The following RMDN1 variants were observed in gnomAD, a reference collection of about 807,000 sequenced individuals.
The protein encoded by RMDN1 is regulator of microtubule dynamics protein 1.
Under a neutral mutation model 48.9 loss-of-function variants are expected in RMDN1, and 48 were observed. That is an observed-to-expected ratio of 0.98 (90% CI 0.78 to 1.25). The LOEUF is 1.25. Among genes scored for constraint, RMDN1 ranks in the 50% most tolerant of loss-of-function variants. RMDN1 has a pLI of 0.00. For missense variants in RMDN1, 418 were observed against 373.4 expected, an observed-to-expected ratio of 1.12 and a Z score of -0.98; for synonymous variants, 148 against 132.6, an observed-to-expected ratio of 1.12 and a Z score of -0.80.
chr8:86,513,028 AAAAC>A (rs1820130637), upstream of RMDN1, among the ~76,000 whole-genome samples: 1 of 151,524 alleles, frequency 6.6e-6, no homozygotes, highest in Non-Finnish European at 1.5e-5. Flanking sequence ...GTAATTAAAA[AAAAC>A]CTTCACCCAT....
At chr8:86,481,926 G>T in intron 5 of RMDN1, 1 of 797,234 alleles carries the variant, frequency 1.3e-6, no homozygotes, top group Non-Finnish European at 2.1e-6. Flanking sequence ...ACACGAAGTG[G>T]AAAGATTCTC....
chr8:86,492,567 C>T (rs1009715065), intron 2 of RMDN1, among the ~76,000 whole-genome samples: 14 of 151,818 alleles, frequency 9.2e-5, no homozygotes, highest in African/African-American at 9.7e-5. Context: ...GCAGGGAAAT[C>T]GCTGGAACCC....
At chr8:86,475,053 C>A in intron 8 of RMDN1, 100 bp from the exon 9 acceptor site, 1 of 974,162 alleles carries the variant, frequency 1.0e-6, no homozygotes, top group South Asian at 1.8e-5. Context: ...TTTGTGTGGT[C>A]AATAAGTGAT....
At chr8:86,479,734 A>C (rs1388626320) in intron 6 of RMDN1, among the ~76,000 whole-genome samples, 1 of 152,138 alleles carries the variant, frequency 6.6e-6, no homozygotes, top group African/African-American at 2.4e-5. Context: ...CTTAGATGGC[A>C]GTAAATATTC....
At chr8:86,505,279 G>A (rs1819126313) in intron 2 of RMDN1, 4 of 501,030 alleles carry the variant, frequency 8.0e-6, no homozygotes, top group South Asian at 6.1e-5. Context: ...CTTCTGCTTA[G>A]GAGAGACCAA....
intron 7 of RMDN1, chr8:86,478,667 G>A (rs2130608478): frequency 2.3e-6 from 1 of 441,810 alleles, no homozygotes; most frequent in African/African-American, 2.0e-5. Flanking sequence ...AACAGAAAAT[G>A]AAGGTAGATT....
intron 1 of RMDN1, chr8:86,508,254 A>T: frequency 9.0e-6 from 4 of 445,036 alleles, no homozygotes. Flanking sequence ...GGTAGCAGGC[A>T]GCTTCTGGGG....
chr8:86,469,507 T>C (rs1322232961), downstream of RMDN1, among the ~76,000 whole-genome samples: 3 of 152,164 alleles, frequency 2.0e-5, no homozygotes, highest in African/African-American at 4.8e-5. Context: ...CATAGATTGC[T>C]GTTAGAAGAC....
At chr8:86,472,282 A>G, downstream of RMDN1, 1 of 609,086 alleles carries the variant, frequency 1.6e-6, no homozygotes, top group Non-Finnish European at 2.9e-6. Flanking sequence ...AAACTTTCTG[A>G]GCACCAAAAT....
rs757080470 is a variant in RMDN1, at chr8:86,473,494, G to A, written c.*814C>T. Reference sequence around the variant, plus strand: ...CATTTAAAGTAAACTGGCCAGGTGCGGTGGCTCACGCCTGTAATCCCAGCA... The same window carrying A: ...CATTTAAAGTAAACTGGCCAGGTGCAGTGGCTCACGCCTGTAATCCCAGCA... On this transcript the variant is annotated 3_prime_UTR_variant, in exon 10 of 10. Coordinates refer to ENST00000406452, the MANE Select transcript of RMDN1 (RefSeq NM_016033.3). 5.7e-5 allele frequency: 56 copies of A among 984,670 alleles called. No individual in the cohort carries two copies. Among genetic ancestry groups the A allele is most frequent in the Non-Finnish European group, 6.3e-5 (52 of 829,266 alleles). The allele number at this position is 984,670 out of a possible 1,614,324, so 61.0% of individuals were successfully genotyped here.
At chr8:86,496,988 T>C (rs1817481191) in intron 2 of RMDN1, among the ~76,000 whole-genome samples, 2 of 151,810 alleles carry the variant, frequency 1.3e-5, no homozygotes, top group African/African-American at 4.8e-5. Flanking sequence ...TATCAAGATC[T>C]CTCAAAACCA....
upstream of RMDN1, among the ~76,000 whole-genome samples, chr8:86,510,836 A>G (rs1296558064): frequency 1.3e-5 from 2 of 152,140 alleles, no homozygotes; most frequent in African/African-American, 4.8e-5. Context: ...AACCTTAAGA[A>G]TATAGGCTGG....
chr8:86,489,196 C>A (rs1245157023), intron 2 of RMDN1, among the ~76,000 whole-genome samples: 1 of 152,116 alleles, frequency 6.6e-6, no homozygotes, highest in Non-Finnish European at 1.5e-5. Flanking sequence ...TCTCTTTATA[C>A]AGAGATGTTG....
intron 2 of RMDN1, among the ~76,000 whole-genome samples, chr8:86,491,712 T>A (rs962116488): frequency 6.6e-6 from 1 of 152,206 alleles, no homozygotes; most frequent in African/African-American, 2.4e-5. Flanking sequence ...ATCTTAAATG[T>A]AACCTAAAAT....
rs766019117 is a variant in RMDN1 at position 86,478,949 on chromosome 8, T to C, written c.703A>G (p.Thr235Ala). The C allele has an allele frequency of 3.4e-5, 55 of 1,613,628 alleles. 2 individuals carry two copies. Among genetic ancestry groups the C allele is most frequent in the South Asian group, 2.1e-4 (19 of 91,070 alleles). The change falls in exon 7 of 10, where the codon ACT becomes GCT. Residue 235 changes from threonine to alanine, a missense_variant. Physicochemically the swap from Thr to Ala is moderately conservative, Grantham distance 58. Transcript: ENST00000406452. The stretch of plus-strand genomic sequence containing the variant: ...TTCTCATAGGTGGAACTAGGAGGAG[T>C]TGCAAACAGCATTTTAGCAATTCTT... ...QRRIAKMLFATPPSSTYEKAL... is the reference protein window; with the variant it reads ...QRRIAKMLFAAPPSSTYEKAL...
intron 2 of RMDN1, chr8:86,504,791 C>T (rs370201632): frequency 7.5e-6 from 8 of 1,059,960 alleles, no homozygotes; most frequent in East Asian, 2.4e-5. Flanking sequence ...CTGCAATGGC[C>T]GGCTGCTCCA....
At chr8:86,475,191 C>T (rs1256307319) in intron 8 of RMDN1, 1 of 372,934 alleles carries the variant, frequency 2.7e-6, no homozygotes, top group Non-Finnish European at 4.7e-6. Flanking sequence ...TTCTCATTTT[C>T]ACAACTTTGT....
chr8:86,488,375 T>C (rs1426489576), intron 3 of RMDN1, among the ~76,000 whole-genome samples, 177 bp downstream of exon 3: 2 of 152,172 alleles, frequency 1.3e-5, no homozygotes, highest in Non-Finnish European at 1.5e-5. Flanking sequence ...ATGAGATACA[T>C]GCAGCATTTA....
chr8:86,498,620 A>G (rs1370213808), intron 2 of RMDN1, among the ~76,000 whole-genome samples: 4 of 151,496 alleles, frequency 2.6e-5, no homozygotes, highest in African/African-American at 9.7e-5. Context: ...CTCTACAAAA[A>G]AATACAAAAA....
Sources: gnomAD v4.1 joint callset for allele counts (sites outside exome capture counted in the v4.1 genomes callset) on GRCh38, gnomAD v4.1.1 for gene constraint, MANE v1.5 for transcripts, NCBI Gene and HGNC (gene_info 2026-07-23, HGNC 2026-07-21) for gene names.